SFXN4: variants seen among roughly 807,000 people sequenced by gnomAD.
The protein encoded by SFXN4 is sideroflexin 4.
In SFXN4, 48 loss-of-function variants were observed where a neutral mutation model predicts 54.6. The observed-to-expected ratio is 0.88, with a 90% CI of 0.70 to 1.12. The LOEUF (loss-of-function observed/expected upper bound fraction) is 1.12. Among genes scored for constraint, SFXN4 ranks in the 50% most tolerant of loss-of-function variants. SFXN4 has a pLI of 0.00. For missense variants in SFXN4, 383 were observed against 409.2 expected (o/e 0.94, Z 0.55); for synonymous variants, 130 against 145.5 (o/e 0.89, Z 0.77).
rs749205272 is a variant in SFXN4 at position 119,159,759 on chromosome 10, A to T, written c.335-6T>A. The T allele has an allele frequency of 1.3e-5, 21 of 1,614,000 alleles. No homozygotes were observed. Among genetic ancestry groups the T allele is most frequent in the Non-Finnish European group, 1.8e-5 (21 of 1,180,024 alleles). ...TGCCATGAAAGGCAGGAACGCTGGC[A>T]GGAAGAGAAGAGAGGAGGTGTCAGT... is the stretch of plus-strand genomic sequence containing the variant. On this transcript the variant is annotated splice_region_variant and splice_polypyrimidine_tract_variant and intron_variant, in intron 5 of 13. Coordinates refer to ENST00000355697, the MANE Select transcript of SFXN4 (RefSeq NM_213649.2).
chr10:119,149,498 C>A (rs971615449), intron 11 of SFXN4, among the ~76,000 whole-genome samples: 1 of 152,096 alleles, frequency 6.6e-6, no homozygotes, highest in African/African-American at 2.4e-5. Flanking sequence ...GCTTATAATC[C>A]CAACACTTTG....
chr10:119,146,409 C>G (rs1373006025), intron 12 of SFXN4, 56 bp from the exon 13 acceptor site: 3 of 1,042,452 alleles, frequency 2.9e-6, no homozygotes, highest in Admixed American at 3.6e-5. Flanking sequence ...GGCTTATTTT[C>G]TGAACAGCTG....
chr10:119,155,298 A>C (rs1589638589), intron 10 of SFXN4, 121 bp from the exon 11 acceptor site: 9 of 686,920 alleles, frequency 1.3e-5, no homozygotes. Flanking sequence ...GCCTTTCTTG[A>C]CCCTCAGGTG....
chr10:119,165,674 C>G lies in SFXN4; in HGVS notation c.-27G>C, dbSNP rs781603301. On this transcript the variant is annotated 5_prime_UTR_variant, in exon 1 of 14. Transcript: ENST00000355697. ...TTGCGCTGGTTAGAGTGGCCGCCGC[C>G]GCCAGGCCGCGCGTGGAGGAGGAGC... 2.4e-5 allele frequency: 36 copies of G among 1,514,512 alleles called. No individual in the cohort carries two copies. Among genetic ancestry groups the G allele is most frequent in the Non-Finnish European group, 3.1e-5 (35 of 1,135,748 alleles). 93.8% of individuals were successfully genotyped at this position (1,514,512 alleles called of 1,614,324 possible). A position where few individuals can be genotyped will look rare whatever the true frequency, so the allele number is the denominator to read the frequency against.
rs978917994 is a variant in SFXN4 at position 119,141,017 on chromosome 10, C to A, written c.*225G>T. On this transcript the variant is annotated 3_prime_UTR_variant, in exon 14 of 14. Transcript: ENST00000355697. ...CCACTCCAACCGTTCCCTCAGCAACCCCAGGGGTGTCAGACGGGGCACCCT... is the reference window on the plus strand; with the variant it reads ...CCACTCCAACCGTTCCCTCAGCAACACCAGGGGTGTCAGACGGGGCACCCT... The A allele has an allele frequency of 4.4e-6, 2 of 455,476 alleles. No homozygotes were observed. The highest frequency in any genetic ancestry group is 7.9e-6 in the Non-Finnish European group (2 of 254,662). 28.2% of individuals were successfully genotyped at this position (455,476 alleles called of 1,614,324 possible).
chr10:119,150,884 G>C (rs531954817), intron 11 of SFXN4, among the ~76,000 whole-genome samples: 2 of 152,198 alleles, frequency 1.3e-5, no homozygotes, highest in African/African-American at 4.8e-5. Context: ...AACGTCCACC[G>C]CCGGCAGAAT....
chr10:119,150,577 G>C (rs935204748), intron 11 of SFXN4, among the ~76,000 whole-genome samples: 1 of 152,080 alleles, frequency 6.6e-6, no homozygotes, highest in African/African-American at 2.4e-5. Context: ...GCTGAGGCAG[G>C]AGGGTCGCTT....
chr10:119,165,516 C>A (rs754407851), intron 1 of SFXN4, 21 bp downstream of exon 1: 1 of 1,564,868 alleles, frequency 6.4e-7, no homozygotes, highest in Non-Finnish European at 8.6e-7. Context: ...TGCCCCTAGT[C>A]GCGCCGGGCC....
At position 119,164,166 on chromosome 10, in the gene SFXN4, C is replaced by G; in HGVS notation, c.142G>C (p.Glu48Gln). 5.7e-6 allele frequency: 9 copies of G among 1,590,386 alleles called. No individual in the cohort carries two copies. The highest frequency in any genetic ancestry group is 7.7e-6 in the Non-Finnish European group (9 of 1,166,422). Residue 48 changes from glutamate (E) to glutamine (Q), a missense_variant, in exon 2 of 14, where the codon GAA becomes CAA. Coordinates refer to ENST00000355697, the MANE Select transcript of SFXN4 (RefSeq NM_213649.2). The stretch of plus-strand genomic sequence containing the variant: ...AACACATTTGTAGGATCTAATAATT[C>G]TGTCCATTGAAGAAATCGTCGAATA... Reference protein sequence around the residue: ...SFIRRFLQWTELLDPTNVFIS... With the variant: ...SFIRRFLQWTQLLDPTNVFIS...
chr10:119,165,320 G>C (rs748026078), intron 1 of SFXN4: 30 of 1,282,030 alleles, frequency 2.3e-5, no homozygotes, highest in Admixed American at 4.4e-5. Flanking sequence ...GTGACGTTGT[G>C]GTCGTGGGCA....
chr10:119,159,387 A>C (rs1847421781), intron 6 of SFXN4, among the ~76,000 whole-genome samples: 1 of 152,184 alleles, frequency 6.6e-6, no homozygotes, highest in South Asian at 2.1e-4. Flanking sequence ...GTGTCAGAGG[A>C]GGACTTGGTG....
rs111612887 is a variant in SFXN4, at chr10:119,152,544, T to C, written c.732+2518A>G. Among the ~76,000 whole-genome samples the C allele has an allele frequency of 3.8e-3, 585 of 152,260 alleles. 4 individuals are homozygous for C. The highest frequency in any genetic ancestry group is 0.013 in the African/African-American group (555 of 41,540). On this transcript the variant is annotated intron_variant, in intron 11 of 13. Transcript: ENST00000355697. ...AGTGATCCAACTTACGGGTGGTTTG[T>C]TAGGCCCAGAACCTTCATTTCAAAC... is the stretch of plus-strand genomic sequence containing the variant.
In SFXN4 at chr10:119,156,695, AAG is replaced by A. The variant is rs1411059337; in HGVS notation, c.597_598del (p.Leu200ThrfsTer20). 3 of 1,610,902 alleles carry A rather than the reference AAG, an allele frequency of 1.9e-6. No homozygotes were observed. The highest frequency in any genetic ancestry group is 2.5e-6 in the Non-Finnish European group (3 of 1,178,392). ...CTGCTCACCGAGGAAGATCACAGGT[AAG>A]AGTCTTTTAATCCAAGGGCCAGTCA... On this transcript the variant is annotated frameshift_variant, in exon 10 of 14. Transcript: ENST00000355697. LOFTEE classifies it high-confidence loss of function.
At position 119,147,531 on chromosome 10, in the gene SFXN4, C is replaced by G. The variant is rs7095991; in HGVS notation, c.818+244G>C. Among the ~76,000 whole-genome samples the G allele has an allele frequency of 0.98, 149,418 of 152,278 alleles. 73,367 individuals are homozygous for G. Among genetic ancestry groups the G allele is most frequent in the Middle Eastern group, 1 (294 of 294 alleles). ...GAGGAAATGGCCGTGGAAGGTCCTTCGACACGCCAAGGACACGGGGTAACT... is the reference window on the plus strand; with the variant it reads ...GAGGAAATGGCCGTGGAAGGTCCTTGGACACGCCAAGGACACGGGGTAACT... On this transcript the variant is annotated intron_variant, in intron 12 of 13. Transcript: ENST00000355697.
Position 119,148,103 on chromosome 10 carries a change from C to T in SFXN4, c.733-243G>A, listed in dbSNP as rs61276248. Among the ~76,000 whole-genome samples, 27,086 of 151,910 alleles carry T rather than the reference C, an allele frequency of 0.18. 2,737 individuals carry two copies. Among genetic ancestry groups the T allele is most frequent in the African/African-American group, 0.25 (10,375 of 41,390 alleles). On this transcript the variant is annotated intron_variant, in intron 11 of 13. Transcript: ENST00000355697. ...ATGAGAATCACTTGAACCTGAGAGG[C>T]GGATTTTGCAGTGAGCCAAGATCAC...
At chr10:119,148,911 G>A (rs958616544) in intron 11 of SFXN4, among the ~76,000 whole-genome samples, 4 of 152,010 alleles carry the variant, frequency 2.6e-5, no homozygotes, top group Non-Finnish European at 5.9e-5. Flanking sequence ...TTTAGAGACA[G>A]GGTCTCACTC....
intron 9 of SFXN4, among the ~76,000 whole-genome samples, chr10:119,157,407 G>A (rs1163391218): frequency 2.7e-5 from 4 of 149,148 alleles, no homozygotes; most frequent in Non-Finnish European, 4.4e-5. Context: ...CTCCAACCTG[G>A]GCAACAGAGC....
intron 5 of SFXN4, among the ~76,000 whole-genome samples, chr10:119,160,451 G>C (rs1847475113): frequency 6.6e-6 from 1 of 151,434 alleles, no homozygotes; most frequent in Non-Finnish European, 1.5e-5. Flanking sequence ...GGGAGGCGGA[G>C]GTTGTAGTGA....
In SFXN4 at chr10:119,141,289, G is replaced by T. The variant is rs1309261873; in HGVS notation, c.967C>A (p.Gln323Lys). The T allele has an allele frequency of 6.2e-7, 1 of 1,610,672 alleles. No individual in the cohort carries two copies. The highest frequency in any genetic ancestry group is 8.5e-7 in the Non-Finnish European group (1 of 1,177,042). ...IQYCSLEEKI[Q>K]SPTEETEIFY... ...ATTTCTGTTTCTTCTGTTGGAGACT[G>T]AATTTTCTCTTCAAGACTACAGTAC... The change falls in exon 14 of 14, where the codon CAG (glutamine) becomes AAG (lysine). Residue 323 changes from glutamine (Q) to lysine (K), a missense_variant. Coordinates refer to ENST00000355697, the MANE Select transcript of SFXN4 (RefSeq NM_213649.2).
Sources: gnomAD v4.1 joint callset for allele counts (sites outside exome capture counted in the v4.1 genomes callset) on GRCh38, gnomAD v4.1.1 for gene constraint, MANE v1.5 for transcripts, NCBI Gene and HGNC (gene_info 2026-07-23, HGNC 2026-07-21) for gene names.